Variants in DPP10 observed in about 807,000 individuals in gnomAD.
The protein encoded by DPP10 is dipeptidyl peptidase like 10.
In DPP10, 33 loss-of-function variants were observed where a neutral mutation model predicts 120.9. The ratio of observed to expected loss-of-function variants is 0.27; its 90% CI spans 0.21 to 0.37. The LOEUF (loss-of-function observed/expected upper bound fraction) is 0.37. Ranked by LOEUF, DPP10 falls within the 10% of genes least tolerant of loss-of-function variation. DPP10 has a pLI of 1.00. For missense variants in DPP10, 816 were observed against 942.8 expected, an observed-to-expected ratio of 0.87 and a Z score of 1.76; for synonymous variants, 337 against 326.1, an observed-to-expected ratio of 1.03 and a Z score of -0.36.
rs184966477 is a variant in DPP10 at position 115,269,367 on chromosome 2, C to A, written c.61-39872C>A. On this transcript the variant is annotated intron_variant, in intron 1 of 25. Transcript: ENST00000410059. ...TTGCTCCATAACAAATAATTCCAGA[C>A]TTTCTGGCTTAAAACTACTCATTAT... 5.7e-3 allele frequency among the ~76,000 whole-genome samples: 869 copies of A among 152,254 alleles called. 3 individuals carry two copies. Among genetic ancestry groups the A allele is most frequent in the Non-Finnish European group, 6.7e-3 (459 of 68,020 alleles).
chr2:114,577,226 C>A (rs752875035), intron 1 of DPP10, among the ~76,000 whole-genome samples: 1 of 152,150 alleles, frequency 6.6e-6, no homozygotes, highest in Non-Finnish European at 1.5e-5. Flanking sequence ...AGCAACCTTG[C>A]GAGATAGGTT....
intron 1 of DPP10, among the ~76,000 whole-genome samples, chr2:114,929,494 A>T (rs1695905721): frequency 6.6e-6 from 1 of 152,144 alleles, no homozygotes. Context: ...ATTCTTTCCT[A>T]GGGTTATTCC....
intron 1 of DPP10, among the ~76,000 whole-genome samples, chr2:114,660,492 A>T (rs1294937883): frequency 2.4e-4 from 37 of 151,946 alleles, no homozygotes; most frequent in Non-Finnish European, 4.4e-5. Flanking sequence ...TACTAGAAAG[A>T]CTCACTCAGT....
intron 1 of DPP10, among the ~76,000 whole-genome samples, chr2:114,654,175 C>T (rs1032652536): frequency 2.6e-5 from 4 of 152,128 alleles, no homozygotes; most frequent in African/African-American, 4.8e-5. Flanking sequence ...TCTGTACATA[C>T]GAGTAAACTG....
At chr2:115,371,663 T>A (rs1276214339) in intron 3 of DPP10, among the ~76,000 whole-genome samples, 1 of 152,134 alleles carries the variant, frequency 6.6e-6, no homozygotes, top group Non-Finnish European at 1.5e-5. Flanking sequence ...TTATTAAGAA[T>A]GCTGTGATGT....
At chr2:114,846,176 GA>G (rs967759336) in intron 1 of DPP10, among the ~76,000 whole-genome samples, 1 of 151,498 alleles carries the variant, frequency 6.6e-6, no homozygotes, top group East Asian at 1.9e-4. Flanking sequence ...TCCTTATGTT[GA>G]AAAAAAACTG....
chr2:115,538,054 A>G (rs1020102442), intron 5 of DPP10, among the ~76,000 whole-genome samples: 2 of 152,166 alleles, frequency 1.3e-5, no homozygotes, highest in Non-Finnish European at 2.9e-5. Context: ...CTTGAAACCC[A>G]TAAACCATCA....
At chr2:115,280,314 T>C (rs1011737751) in intron 1 of DPP10, among the ~76,000 whole-genome samples, 1 of 152,202 alleles carries the variant, frequency 6.6e-6, no homozygotes, top group Non-Finnish European at 1.5e-5. Flanking sequence ...AAAGCCAGTT[T>C]ATCTATTTAA....
chr2:115,727,543 T>G (rs1269806413), intron 7 of DPP10, among the ~76,000 whole-genome samples: 1 of 152,136 alleles, frequency 6.6e-6, no homozygotes. Flanking sequence ...GAGAGATTAT[T>G]AAGTAGTTGA....
intron 3 of DPP10, among the ~76,000 whole-genome samples, chr2:115,392,989 C>T (rs1272757579): frequency 6.6e-6 from 1 of 152,008 alleles, no homozygotes; most frequent in East Asian, 1.9e-4. Flanking sequence ...TTTCCTTTGT[C>T]ATTTATATTA....
At chr2:114,950,527 G>A (rs979938602) in intron 1 of DPP10, among the ~76,000 whole-genome samples, 1 of 150,898 alleles carries the variant, frequency 6.6e-6, no homozygotes, top group African/African-American at 2.4e-5. Context: ...GGATGGTCTC[G>A]ATCTCCTGAC....
At chr2:115,512,968 T>C (rs888561841) in intron 4 of DPP10, among the ~76,000 whole-genome samples, 2 of 152,220 alleles carry the variant, frequency 1.3e-5, no homozygotes, top group Admixed American at 1.3e-4. Flanking sequence ...ATTGCTGAAA[T>C]CAAGGTTTTG....
intron 5 of DPP10, among the ~76,000 whole-genome samples, chr2:115,658,353 C>T (rs1017879564): frequency 6.6e-6 from 1 of 151,774 alleles, no homozygotes; most frequent in African/African-American, 2.4e-5. Context: ...TTCTCCACCC[C>T]AATCTCCCTT....
chr2:114,556,402 T>G (rs547392355), intron 1 of DPP10, among the ~76,000 whole-genome samples: 1 of 151,876 alleles, frequency 6.6e-6, no homozygotes, highest in East Asian at 1.9e-4. Flanking sequence ...ATTAAGGTTT[T>G]CCCCTAGGTT....
chr2:114,682,919 G>C (rs559023282), intron 1 of DPP10, among the ~76,000 whole-genome samples: 1 of 151,944 alleles, frequency 6.6e-6, no homozygotes, highest in South Asian at 2.1e-4. Context: ...CCCTACCGCT[G>C]TTTAACCTTG....
chr2:115,233,289 C>T (rs934538957), intron 1 of DPP10, among the ~76,000 whole-genome samples: 41 of 151,710 alleles, frequency 2.7e-4, no homozygotes, highest in African/African-American at 9.9e-4. Context: ...ATATCTTATC[C>T]AAGAACTGTT....
Position 115,740,449 on chromosome 2 carries a change from TA to T in DPP10, c.852+563del, listed in dbSNP as rs554989158. ...ATCTCAATAAAGAAAGGACCAAGTATAAAAAAATCACCCATAAAGAATAGAC... is the reference window on the plus strand; with the variant it reads ...ATCTCAATAAAGAAAGGACCAAGTATAAAAAATCACCCATAAAGAATAGAC... On this transcript the variant is annotated intron_variant, in intron 9 of 25. Coordinates refer to ENST00000410059, the MANE Select transcript of DPP10 (RefSeq NM_020868.6). Among the ~76,000 whole-genome samples, 8 of 152,136 alleles carry T rather than the reference TA, an allele frequency of 5.3e-5. No homozygotes were observed. The East Asian group carries it at 1.5e-3, about 29-fold the overall frequency.
At chr2:114,537,238 T>C (rs1686578969) in intron 1 of DPP10, among the ~76,000 whole-genome samples, 1 of 152,210 alleles carries the variant, frequency 6.6e-6, no homozygotes, top group Non-Finnish European at 1.5e-5. Context: ...TCGGCTAGAC[T>C]ACCGTGAGAT....
intron 1 of DPP10, among the ~76,000 whole-genome samples, chr2:114,831,555 A>AC (rs1471205336): frequency 3.3e-5 from 5 of 152,204 alleles, no homozygotes; most frequent in African/African-American, 1.2e-4. Flanking sequence ...GCCAAAACTC[A>AC]GTCTGAGGTG....
Sources: allele counts gnomAD v4.1 joint callset (sites outside exome capture counted in the v4.1 genomes callset), GRCh38; gene constraint gnomAD v4.1.1; transcripts MANE v1.5; gene names NCBI Gene and HGNC (gene_info 2026-07-23, HGNC 2026-07-21).